Variants in HMGXB3 observed in about 807,000 individuals in gnomAD.
The protein encoded by HMGXB3 is HMG-box containing 3, also known as HMG domain-containing protein 3.
A neutral mutation model predicts 121.5 loss-of-function variants in HMGXB3; 45 were observed. The ratio of observed to expected loss-of-function variants is 0.37; its 90% CI spans 0.29 to 0.47. The LOEUF is 0.47. Among genes scored for constraint, HMGXB3 ranks in the 20% least tolerant of loss-of-function variants. The pLI is 0.99. For missense variants in HMGXB3, 1,376 were observed against 1,602.2 expected (o/e 0.86, Z 2.41); for synonymous variants, 590 against 624.1 (o/e 0.95, Z 0.81).
chr5:150,021,170 T>C (rs758051267), intron 6 of HMGXB3, among the ~76,000 whole-genome samples: 28 of 152,238 alleles, frequency 1.8e-4, no homozygotes, highest in Non-Finnish European at 3.1e-4. Flanking sequence ...AGGATTACCA[T>C]GTCAAGAGTA....
At chr5:150,027,273 T>G (rs978425686) in intron 9 of HMGXB3, among the ~76,000 whole-genome samples, 156 bp downstream of exon 9, 1 of 152,266 alleles carries the variant, frequency 6.6e-6, no homozygotes, top group Non-Finnish European at 1.5e-5. Flanking sequence ...TTTAAGTAAT[T>G]TCTTAAAACT....
chr5:150,026,652 G>C (rs1488656654), intron 7 of HMGXB3, 54 bp from the exon 8 acceptor site: 1 of 1,469,940 alleles, frequency 6.8e-7, no homozygotes, highest in East Asian at 2.5e-5. Flanking sequence ...ATTGCGCTTT[G>C]GTTTTCTTCC....
At position 150,010,570 on chromosome 5, in the gene HMGXB3, C is replaced by G. The variant is rs1755805942; in HGVS notation, c.772C>G (p.Gln258Glu). The G allele has an allele frequency of 1.3e-6, 2 of 1,551,200 alleles. No homozygotes were observed. The highest frequency in any genetic ancestry group is 1.4e-5 in the African/African-American group (1 of 73,060). Residue 258 changes from glutamine (Q) to glutamate (E), a missense_variant, in exon 4 of 20, where the codon CAG becomes GAG. Gln to Glu is a conservative substitution (Grantham distance 29, BLOSUM62 2). Around this residue, in one of 2 missense-constraint regions of HMGXB3, gnomAD observed 1,116 missense variants for 1,369.0 expected, o/e 0.82. Coordinates refer to ENST00000502717, the MANE Select transcript of HMGXB3 (RefSeq NM_014983.3). ...PTGSLAVPHP[Q>E]VGESVSVVTV... ...TGGAAGCCTGGCTGTGCCCCACCCC[C>G]AGGTTGGGGAGAGTGTATCAGTGGT...
At chr5:150,014,435 G>A (rs1367136383) in intron 5 of HMGXB3, among the ~76,000 whole-genome samples, 1 of 152,208 alleles carries the variant, frequency 6.6e-6, no homozygotes, top group Non-Finnish European at 1.5e-5. Flanking sequence ...TGTACTAGCA[G>A]TGTATAAAAA....
intron 3 of HMGXB3, among the ~76,000 whole-genome samples, chr5:150,008,682 A>G (rs1159616474): frequency 1.3e-5 from 2 of 152,226 alleles, no homozygotes; most frequent in Admixed American, 1.3e-4. Flanking sequence ...GGCTCCAGTG[A>G]TATGCCTTCT....
At chr5:150,013,503 A>T (rs1755890566) in intron 5 of HMGXB3, among the ~76,000 whole-genome samples, 1 of 152,242 alleles carries the variant, frequency 6.6e-6, no homozygotes, top group African/African-American at 2.4e-5. Flanking sequence ...AATTTGGCTC[A>T]GAATTTCCTT....
chr5:150,033,887 C>T (rs949011858), intron 11 of HMGXB3, among the ~76,000 whole-genome samples: 8 of 152,104 alleles, frequency 5.3e-5, no homozygotes, highest in Non-Finnish European at 1.0e-4. Flanking sequence ...GGTTATTGTC[C>T]TTGTGAGAAA....
chr5:150,048,979 T>A (rs901909879), intron 18 of HMGXB3, among the ~76,000 whole-genome samples: 2 of 152,090 alleles, frequency 1.3e-5, no homozygotes, highest in African/African-American at 2.4e-5. Flanking sequence ...TATATTTTAG[T>A]GGGGAAATAA....
chr5:150,008,993 C>T (rs1304647100), intron 3 of HMGXB3, among the ~76,000 whole-genome samples: 1 of 152,032 alleles, frequency 6.6e-6, no homozygotes, highest in Non-Finnish European at 1.5e-5. Flanking sequence ...TTGAAGAATC[C>T]TTTTGTAGTT....
At position 150,037,664 on chromosome 5, in the gene HMGXB3, AAT is replaced by A. The variant is rs551956335; in HGVS notation, c.2413+138_2413+139del. 579 of 671,346 alleles carry A rather than the reference AAT, an allele frequency of 8.6e-4. 1 individual carries two copies. Among genetic ancestry groups the A allele is most frequent in the Admixed American group, 1.4e-3 (33 of 23,736 alleles). The allele number at this position is 671,346 out of a possible 1,614,324, so 41.6% of individuals were successfully genotyped here. A position where few individuals can be genotyped will look rare whatever the true frequency, so the allele number is the denominator to read the frequency against. ...TGAGGAAGGGGGAGTCTTCTTCCTA[AAT>A]GTCTTAGTCCCACAAGATGACTTTT... On this transcript the variant is annotated intron_variant, in intron 13 of 19. Transcript: ENST00000502717.
chr5:150,029,371 C>T (rs1490455316), intron 9 of HMGXB3, among the ~76,000 whole-genome samples: 7 of 145,610 alleles, frequency 4.8e-5, no homozygotes, highest in South Asian at 2.1e-4. Flanking sequence ...AATGTGCTGA[C>T]GTTATAATGA....
At chr5:150,037,320 C>T in intron 12 of HMGXB3, 80 bp from the exon 13 acceptor site, 2 of 1,322,522 alleles carry the variant, frequency 1.5e-6, no homozygotes, top group South Asian at 1.7e-5. Context: ...GAGAATTTGC[C>T]ATTGATCACT....
In HMGXB3 at chr5:150,051,763, T is replaced by G; in HGVS notation, c.3450T>G (p.Thr1150=). 1 of 1,542,122 alleles carries G rather than the reference T, an allele frequency of 6.5e-7. No homozygotes were observed. Among genetic ancestry groups the G allele is most frequent in the Non-Finnish European group, 8.7e-7 (1 of 1,146,770 alleles). The change falls in exon 20 of 20, where the codon ACT becomes ACG. Residue 1150 remains threonine, a synonymous_variant. Coordinates refer to ENST00000502717, the MANE Select transcript of HMGXB3 (RefSeq NM_014983.3). ...CAGAGCTCTTGGACCAGCATTATAC[T>G]GTGGACATGACAGAAACTGAGCACT... ...SCPELLDQHY[T]VDMTETEHSI... is the part of the protein sequence containing the mutation.
intron 10 of HMGXB3, 132 bp from the exon 11 acceptor site, chr5:150,032,322 A>C: frequency 1.2e-6 from 1 of 841,470 alleles, no homozygotes; most frequent in Non-Finnish European, 1.8e-6. Flanking sequence ...AAGGCTCTTG[A>C]AGTTAGGCTG....
chr5:150,022,673 A>G (rs1380418589), intron 6 of HMGXB3, among the ~76,000 whole-genome samples: 1 of 152,150 alleles, frequency 6.6e-6, no homozygotes, highest in Non-Finnish European at 1.5e-5. Flanking sequence ...TTTTCTGCTA[A>G]ATTTTCCCTC....
intron 15 of HMGXB3, 29 bp from the exon 16 acceptor site, chr5:150,045,437 G>C: frequency 6.6e-7 from 1 of 1,523,608 alleles, no homozygotes; most frequent in Non-Finnish European, 8.9e-7. Context: ...GACTCCCACA[G>C]TTTGACCTTC....
intron 3 of HMGXB3, among the ~76,000 whole-genome samples, chr5:150,007,762 T>C (rs1755733566): frequency 6.6e-6 from 1 of 152,110 alleles, no homozygotes; most frequent in South Asian, 2.1e-4. Flanking sequence ...TATAATAAAA[T>C]CAGCTGTCTA....
chr5:150,025,939 TCCTGCCTCAG>T (rs1465370197), intron 7 of HMGXB3, among the ~76,000 whole-genome samples: 1 of 152,050 alleles, frequency 6.6e-6, no homozygotes, highest in East Asian at 1.9e-4. Context: ...CATGCCATTC[TCCTGCCTCAG>T]CCTCCCGAGT....
At chr5:150,040,989 G>A in intron 14 of HMGXB3, 110 bp downstream of exon 14, 1 of 1,077,196 alleles carries the variant, frequency 9.3e-7, no homozygotes, top group Non-Finnish European at 1.3e-6. Context: ...TGATTATTTT[G>A]AAAAGGAGAC....
Sources: allele counts gnomAD v4.1 joint callset (sites outside exome capture counted in the v4.1 genomes callset), GRCh38; gene constraint gnomAD v4.1.1; regional missense constraint gnomAD v4.1.1; transcripts MANE v1.5; gene names NCBI Gene and HGNC (gene_info 2026-07-23, HGNC 2026-07-21).